The following SNTG2 variants were observed in gnomAD, a reference collection of about 807,000 sequenced individuals.
The protein encoded by SNTG2 is gamma-2-syntrophin.
Under a neutral mutation model 70.9 loss-of-function variants are expected in SNTG2, and 74 were observed. That is an observed-to-expected ratio of 1.04 (90% CI 0.86 to 1.27). The LOEUF (loss-of-function observed/expected upper bound fraction) is 1.27. Among genes scored for constraint, SNTG2 ranks in the 50% most tolerant of loss-of-function variants. SNTG2 has a pLI of 0.00. For missense variants in SNTG2, 717 were observed against 690.7 expected (o/e 1.04, Z -0.43); for synonymous variants, 278 against 273.8 (o/e 1.02, Z -0.15).
At chr2:1,280,092 AT>A (rs1679453335) in intron 14 of SNTG2, among the ~76,000 whole-genome samples, 1 of 152,228 alleles carries the variant, frequency 6.6e-6, no homozygotes, top group Non-Finnish European at 1.5e-5. Context: ...TTTCAAAAAA[AT>A]CTTTTTTGAA....
At chr2:1,231,390 C>T (rs1029801959) in intron 9 of SNTG2, among the ~76,000 whole-genome samples, 2 of 152,192 alleles carry the variant, frequency 1.3e-5, no homozygotes. Flanking sequence ...AAAGCCAGCT[C>T]GTAATGAGTG....
At chr2:1,161,493 G>A (rs1440138307) in intron 6 of SNTG2, 1 of 152,264 alleles carries the variant, frequency 6.6e-6, no homozygotes, top group Admixed American at 6.5e-5. Flanking sequence ...CCCCTAGGCA[G>A]GTGTGGGCCA....
At chr2:1,198,637 T>A (rs1262363153) in intron 8 of SNTG2, among the ~76,000 whole-genome samples, 1 of 151,900 alleles carries the variant, frequency 6.6e-6, no homozygotes, top group Non-Finnish European at 1.5e-5. Flanking sequence ...TAAGATAAAA[T>A]TGATAAACTG....
intron 8 of SNTG2, among the ~76,000 whole-genome samples, chr2:1,199,033 A>G (rs1203444417): frequency 1.3e-5 from 2 of 151,838 alleles, no homozygotes; most frequent in Non-Finnish European, 2.9e-5. Flanking sequence ...TCATTCTACA[A>G]TGCCAGCATT....
intron 14 of SNTG2, among the ~76,000 whole-genome samples, chr2:1,284,504 C>T (rs1679689625): frequency 2.0e-5 from 3 of 152,114 alleles, no homozygotes; most frequent in South Asian, 4.1e-4. Context: ...AAGCACCCCT[C>T]GAAAAACTTA....
chr2:1,324,576 G>A (rs778750460), intron 16 of SNTG2, among the ~76,000 whole-genome samples: 6 of 152,150 alleles, frequency 3.9e-5, no homozygotes, highest in Admixed American at 6.5e-5. Flanking sequence ...AGCCTAAGTT[G>A]TAAGCAAATA....
At chr2:1,186,915 A>G (rs1405325159) in intron 8 of SNTG2, among the ~76,000 whole-genome samples, 2 of 152,240 alleles carry the variant, frequency 1.3e-5, no homozygotes, top group Non-Finnish European at 1.5e-5. Context: ...AAATATTTAA[A>G]CAGAAACATC....
chr2:1,232,393 A>G (rs1466400717), intron 9 of SNTG2, among the ~76,000 whole-genome samples: 1 of 152,016 alleles, frequency 6.6e-6, no homozygotes, highest in Non-Finnish European at 1.5e-5. Flanking sequence ...TCCGCCTCCC[A>G]GGTTCAAGGG....
At chr2:1,071,428 G>C (rs568941855) in intron 1 of SNTG2, among the ~76,000 whole-genome samples, 1 of 145,118 alleles carries the variant, frequency 6.9e-6, no homozygotes, top group South Asian at 2.2e-4. Context: ...GCATATTCTC[G>C]CTCATAGGTG....
Position 999,729 on chromosome 2 carries a change from G to A in SNTG2, c.72+48661G>A, listed in dbSNP as rs73164780. 6.8e-3 allele frequency among the ~76,000 whole-genome samples: 1,032 copies of A among 152,058 alleles called. 12 individuals carry two copies. The highest frequency in any genetic ancestry group is 0.024 in the African/African-American group (1,004 of 41,536). ...CTGAGAGAACTAGACAAATCATTGAGATTGAAAATCAACTAAAAATTAGCG... is the reference window on the plus strand; with the variant it reads ...CTGAGAGAACTAGACAAATCATTGAAATTGAAAATCAACTAAAAATTAGCG... On this transcript the variant is annotated intron_variant, in intron 1 of 16. Coordinates refer to ENST00000308624, the MANE Select transcript of SNTG2 (RefSeq NM_018968.4).
At chr2:1,266,338 C>T (rs1271683604) in intron 13 of SNTG2, among the ~76,000 whole-genome samples, 1 of 152,150 alleles carries the variant, frequency 6.6e-6, no homozygotes, top group Non-Finnish European at 1.5e-5. Context: ...TGGGGTGCAA[C>T]CTTGCAGATG....
At position 1,156,090 on chromosome 2, in the gene SNTG2, G is replaced by T. The variant is rs543898347; in HGVS notation, c.412-9458G>T. ...ACAAACAAGTTCTTAAAAGCATTTT[G>T]CTGTGGAAGGGAACAGAGAAATGGC... On this transcript the variant is annotated intron_variant, in intron 6 of 16. Coordinates refer to ENST00000308624, the MANE Select transcript of SNTG2 (RefSeq NM_018968.4). Among the ~76,000 whole-genome samples, 107 of 152,294 alleles carry T rather than the reference G, an allele frequency of 7.0e-4. No homozygotes were observed. The Middle Eastern group carries it at 0.01, about 15-fold the overall frequency.
chr2:1,358,227 A>G (rs535513939), intron 16 of SNTG2, among the ~76,000 whole-genome samples: 1 of 152,292 alleles, frequency 6.6e-6, no homozygotes, highest in South Asian at 2.1e-4. Flanking sequence ...AGTTTAGGAC[A>G]TCAGCATATG....
chr2:1,276,974 G>A (rs748579337), intron 14 of SNTG2, among the ~76,000 whole-genome samples: 8 of 152,186 alleles, frequency 5.3e-5, no homozygotes, highest in Non-Finnish European at 7.3e-5. Context: ...AAAAATAAAA[G>A]TGAAGGCTGA....
intron 12 of SNTG2, among the ~76,000 whole-genome samples, chr2:1,257,682 A>G (rs1678201789): frequency 6.6e-6 from 1 of 152,238 alleles, no homozygotes; most frequent in Non-Finnish European, 1.5e-5. Context: ...TACAGTGACC[A>G]GATATATTAA....
chr2:1,229,672 G>A (rs372154867), intron 9 of SNTG2, among the ~76,000 whole-genome samples: 2 of 152,172 alleles, frequency 1.3e-5, no homozygotes, highest in African/African-American at 4.8e-5. Context: ...GGGGAGGCTC[G>A]GGCCGCACAG....
chr2:1,133,701 T>C (rs1668170715), intron 4 of SNTG2, among the ~76,000 whole-genome samples: 1 of 94,610 alleles, frequency 1.1e-5, no homozygotes, highest in Non-Finnish European at 2.0e-5. Flanking sequence ...TACCACTTTT[T>C]AATTTTTTTT....
At chr2:1,035,344 T>G (rs960754871) in intron 1 of SNTG2, among the ~76,000 whole-genome samples, 1 of 152,212 alleles carries the variant, frequency 6.6e-6, no homozygotes, top group South Asian at 2.1e-4. Flanking sequence ...TGGCAATGAT[T>G]GTCTGTAACT....
intron 1 of SNTG2, among the ~76,000 whole-genome samples, chr2:1,018,502 G>C (rs1296888589): frequency 6.6e-6 from 1 of 152,134 alleles, no homozygotes; most frequent in East Asian, 1.9e-4. Context: ...CGACTGGGTA[G>C]GTGGAGGCTG....
Sources: allele counts gnomAD v4.1 joint callset (sites outside exome capture counted in the v4.1 genomes callset), GRCh38; gene constraint gnomAD v4.1.1; transcripts MANE v1.5; gene names NCBI Gene and HGNC (gene_info 2026-07-23, HGNC 2026-07-21).